RPH3A: variants seen among roughly 807,000 people sequenced by gnomAD.
RPH3A encodes the protein rabphilin-3A.
In RPH3A, 48 loss-of-function variants were observed where a neutral mutation model predicts 102.2. The observed-to-expected ratio is 0.47, with a 90% CI of 0.37 to 0.60. The LOEUF (loss-of-function observed/expected upper bound fraction) is 0.60, where lower values mean the gene tolerates loss of function less well. RPH3A is among the 20% of genes least tolerant of loss of function. RPH3A has a pLI of 0.00. For missense variants in RPH3A, 781 were observed against 910.1 expected, an observed-to-expected ratio of 0.86 and a Z score of 1.83; for synonymous variants, 310 against 324.3, an observed-to-expected ratio of 0.96 and a Z score of 0.47.
intron 6 of RPH3A, among the ~76,000 whole-genome samples, chr12:112,865,956 G>C (rs1722453500): frequency 6.6e-6 from 1 of 152,182 alleles, no homozygotes; most frequent in South Asian, 2.1e-4. Flanking sequence ...TCTGATACAA[G>C]AAACTTAGAA....
At chr12:112,656,186 C>T (rs1243350953) in intron 1 of RPH3A, among the ~76,000 whole-genome samples, 1 of 152,194 alleles carries the variant, frequency 6.6e-6, no homozygotes, top group Non-Finnish European at 1.5e-5. Context: ...TGGCATCCTG[C>T]TTTACAGCAA....
chr12:112,855,453 T>G (rs2042395412), intron 5 of RPH3A, among the ~76,000 whole-genome samples: 1 of 152,200 alleles, frequency 6.6e-6, no homozygotes, highest in South Asian at 2.1e-4. Flanking sequence ...CTTTCTCTCT[T>G]GGCTCCCTCG....
chr12:112,595,254 AG>A (rs1257992302), intron 1 of RPH3A, among the ~76,000 whole-genome samples: 1 of 152,242 alleles, frequency 6.6e-6, no homozygotes, highest in African/African-American at 2.4e-5. Flanking sequence ...CTCAATAAAA[AG>A]ATCGATGAGC....
intron 3 of RPH3A, among the ~76,000 whole-genome samples, chr12:112,835,479 C>T (rs540754517): frequency 9.2e-5 from 14 of 152,322 alleles, no homozygotes; most frequent in South Asian, 4.1e-4. Context: ...ACAGTCTGGA[C>T]GCCATTTCAT....
intron 1 of RPH3A, among the ~76,000 whole-genome samples, chr12:112,644,013 A>G (rs2039908963): frequency 1.3e-5 from 2 of 152,352 alleles, no homozygotes; most frequent in South Asian, 4.1e-4. Flanking sequence ...ATGGAACTGG[A>G]GGCCATTATC....
chr12:112,769,195 C>T (rs564791712), intron 1 of RPH3A, among the ~76,000 whole-genome samples: 3 of 152,200 alleles, frequency 2.0e-5, no homozygotes, highest in Non-Finnish European at 4.4e-5. Context: ...TCAATCTTTT[C>T]ATTTCCCTCT....
chr12:112,612,757 T>C (rs887612062), intron 1 of RPH3A, among the ~76,000 whole-genome samples: 1 of 151,420 alleles, frequency 6.6e-6, no homozygotes, highest in African/African-American at 2.4e-5. Context: ...TTTTTTTTTG[T>C]AGAGACTGGA....
intron 1 of RPH3A, among the ~76,000 whole-genome samples, chr12:112,712,127 C>T (rs188063694): frequency 3.9e-5 from 6 of 152,208 alleles, no homozygotes; most frequent in East Asian, 1.9e-4. Flanking sequence ...CCACCATGCC[C>T]GGCCTCTGTA....
In RPH3A at chr12:112,628,076, A is replaced by G. The variant is rs115765401; in HGVS notation, c.-140+52757A>G. ...CTGTCACAAGAACGGCAAGAGGGAA[A>G]TTCACCCCCATGATCCAATCACCCA... is the stretch of plus-strand genomic sequence containing the variant. On this transcript the variant is annotated intron_variant, in intron 1 of 21. Transcript: ENST00000543106. Among the ~76,000 whole-genome samples, 308 of 152,146 alleles carry G rather than the reference A, an allele frequency of 2.0e-3. 1 individual carries two copies. Among genetic ancestry groups the G allele is most frequent in the African/African-American group, 6.3e-3 (262 of 41,502 alleles).
intron 1 of RPH3A, chr12:112,695,245 T>G (rs1343684039): frequency 6.0e-6 from 1 of 167,932 alleles, no homozygotes; most frequent in Non-Finnish European, 1.5e-5. Flanking sequence ...AGACTTAAGA[T>G]AACTGGTATT....
At chr12:112,896,598 A>G (rs1242783686) in intron 21 of RPH3A, 52 bp from the exon 22 acceptor site, 2 of 1,608,126 alleles carry the variant, frequency 1.2e-6, no homozygotes, top group Non-Finnish European at 1.7e-6. Flanking sequence ...ATTTGGGTCT[A>G]GAACGACCTC....
chr12:112,650,000 G>A (rs1040468105), intron 1 of RPH3A, among the ~76,000 whole-genome samples: 1 of 152,162 alleles, frequency 6.6e-6, no homozygotes, highest in Non-Finnish European at 1.5e-5. Context: ...TGAGGTCCTA[G>A]GGTTGGGACT....
intron 16 of RPH3A, 111 bp from the exon 17 acceptor site, chr12:112,887,686 T>C: frequency 8.4e-7 from 1 of 1,184,218 alleles, no homozygotes; most frequent in Non-Finnish European, 1.2e-6. Flanking sequence ...AATCATATTA[T>C]TTCCACATAC....
At chr12:112,674,455 G>A (rs952350257) in intron 1 of RPH3A, among the ~76,000 whole-genome samples, 1 of 152,186 alleles carries the variant, frequency 6.6e-6, no homozygotes, top group Non-Finnish European at 1.5e-5. Flanking sequence ...TTTTGCTGCA[G>A]TGGGCATCAC....
intron 1 of RPH3A, among the ~76,000 whole-genome samples, chr12:112,731,469 T>C (rs1285314745): frequency 1.3e-5 from 2 of 152,248 alleles, no homozygotes; most frequent in African/African-American, 4.8e-5. Flanking sequence ...TCTATTTCTA[T>C]TAAATTTAGA....
chr12:112,806,705 A>G (rs1446583534), intron 2 of RPH3A, among the ~76,000 whole-genome samples: 1 of 152,162 alleles, frequency 6.6e-6, no homozygotes, highest in Non-Finnish European at 1.5e-5. Flanking sequence ...AGAAATCCTC[A>G]TCTTCTAGTT....
chr12:112,865,190 A>C (rs1210143199), intron 5 of RPH3A, among the ~76,000 whole-genome samples: 1 of 152,214 alleles, frequency 6.6e-6, no homozygotes, highest in African/African-American at 2.4e-5. Flanking sequence ...AGTCAGTAGA[A>C]TAGATGGGAC....
intron 1 of RPH3A, among the ~76,000 whole-genome samples, chr12:112,754,664 AG>A (rs1291676767): frequency 6.6e-6 from 1 of 152,212 alleles, no homozygotes; most frequent in Non-Finnish European, 1.5e-5. Context: ...TAACAAAGAG[AG>A]GGAAGAATCT....
At chr12:112,776,873 CAAAAA>C (rs548377186) in intron 1 of RPH3A, among the ~76,000 whole-genome samples, 6 of 73,908 alleles carry the variant, frequency 8.1e-5, no homozygotes, top group Admixed American at 1.7e-4. Context: ...GACTCCATCT[CAAAAA>C]AAAAAAAAAA....
Sources: allele counts gnomAD v4.1 joint callset (sites outside exome capture counted in the v4.1 genomes callset), GRCh38; gene constraint gnomAD v4.1.1; transcripts MANE v1.5; gene names NCBI Gene and HGNC (gene_info 2026-07-23, HGNC 2026-07-21).